Variants in FBXL22 observed in about 807,000 individuals in gnomAD.
FBXL22 encodes the protein F-box and leucine-rich protein 22.
FBXL22 carries 13 observed loss-of-function variants against 11.7 expected under a neutral mutation model. The ratio of observed to expected loss-of-function variants is 1.11; its 90% confidence interval spans 0.73 to 1.77. FBXL22 has a LOEUF of 1.77. FBXL22 is among the 40% of genes most tolerant of loss of function. The pLI, the probability that FBXL22 is intolerant of heterozygous loss-of-function variation, is 0.00. For synonymous variants in FBXL22, 160 were observed against 144.1 expected, an observed-to-expected ratio of 1.11 and a Z score of -0.79; for missense variants, 406 against 320.4, an observed-to-expected ratio of 1.27 and a Z score of -2.04.
downstream of FBXL22, among the ~76,000 whole-genome samples, chr15:63,607,036 A>T (rs1212650098): frequency 6.7e-6 from 1 of 150,186 alleles, no homozygotes; most frequent in Non-Finnish European, 1.5e-5. Context: ...GGATTCGTCC[A>T]GGATCTTGGC....
downstream of FBXL22, chr15:63,601,808 G>C (rs2067377557): frequency 5.3e-6 from 7 of 1,329,708 alleles, no homozygotes; most frequent in Non-Finnish European, 6.9e-6. Flanking sequence ...GAAAAAAAAA[G>C]CCTCAAACTA....
At chr15:63,601,743 CAT>C, downstream of FBXL22, 3 of 1,531,772 alleles carry the variant, frequency 2.0e-6, no homozygotes, top group Admixed American at 3.8e-5. Flanking sequence ...ACATAAACTG[CAT>C]AGTTACCCAT....
In FBXL22 at chr15:63,597,443, G is replaced by A. The variant is rs765594917; in HGVS notation, c.51G>A (p.Leu17=). 1 of 1,613,874 alleles carries A rather than the reference G, an allele frequency of 6.2e-7. No individual in the cohort carries two copies. Among genetic ancestry groups the A allele is most frequent in the Non-Finnish European group, 8.5e-7 (1 of 1,179,992 alleles). The change falls in exon 1 of 2, where the codon CTG becomes CTA. Residue 17 remains leucine, a synonymous_variant. Coordinates refer to ENST00000638704, the MANE Select transcript of FBXL22 (RefSeq NM_001367807.1). This position sits in a 1 kb window ranked among gnomAD's most constrained non-coding sequence, Gnocchi z 4.3. The part of the protein sequence containing the change: ...MHITQLNREC[L]LHLFSFLDKD... ...TAACCCAGCTCAACCGGGAGTGCCT[G>A]CTGCACCTCTTCTCCTTCCTAGACA...
At chr15:63,601,367 G>T, downstream of FBXL22, 1 of 1,604,910 alleles carries the variant, frequency 6.2e-7, no homozygotes, top group Non-Finnish European at 8.5e-7. Context: ...ATCGCCGTTG[G>T]ACCGAAATCA....
At chr15:63,606,627 A>G (rs183770589), downstream of FBXL22, among the ~76,000 whole-genome samples, 2 of 152,260 alleles carry the variant, frequency 1.3e-5, no homozygotes, top group East Asian at 3.9e-4. Flanking sequence ...ATCAAGGTGG[A>G]AGGACTGCTT....
chr15:63,601,764 C>A, downstream of FBXL22: 1 of 1,475,308 alleles, frequency 6.8e-7, no homozygotes. Flanking sequence ...ATATTTTCTA[C>A]TGTTCTCATA....
In FBXL22 at chr15:63,598,419, T is replaced by C. The variant is rs1441083144; in HGVS notation, c.353+674T>C. 5.3e-5 allele frequency among the ~76,000 whole-genome samples: 8 copies of C among 152,118 alleles called. No individual in the cohort carries two copies. In the East Asian group the frequency reaches 1.5e-3, roughly 29 times the overall value. On this transcript the variant is annotated intron_variant, in intron 1 of 1. Transcript: ENST00000638704. Reference sequence around the variant, plus strand: ...TGAATAATATTTTAGTGTAAGTATGTCCCAAATACATCTTGTGTTTATCTG... The same window carrying C: ...TGAATAATATTTTAGTGTAAGTATGCCCCAAATACATCTTGTGTTTATCTG...
Position 63,597,738 on chromosome 15 carries a change from T to A in FBXL22, c.346T>A (p.Cys116Ser), listed in dbSNP as rs148453374. The stretch of plus-strand genomic sequence containing the variant: ...GGTCAATGATTTCCTCCTCCGGGTG[T>A]GCGACAGGTAGGCCACCTTGCCTCC... Reference protein sequence around the residue: ...SLVNDFLLRVCDRCPNLASVT... With the variant: ...SLVNDFLLRVSDRCPNLASVT... Residue 116 changes from cysteine (C) to serine (S), a missense_variant, in exon 1 of 2, where the codon TGC becomes AGC. Physicochemically the swap from Cys to Ser is moderately radical, Grantham distance 112. Coordinates refer to ENST00000638704, the MANE Select transcript of FBXL22 (RefSeq NM_001367807.1). This position sits in a 1 kb window ranked among gnomAD's most constrained non-coding sequence, Gnocchi z 4.3. 2 of 1,575,556 alleles carry A rather than the reference T, an allele frequency of 1.3e-6. No individual in the cohort carries two copies. Among genetic ancestry groups the A allele is most frequent in the African/African-American group, 2.7e-5 (2 of 74,432 alleles).
At position 63,597,674 on chromosome 15, in the gene FBXL22, T is replaced by C. The variant is rs761725043; in HGVS notation, c.282T>C (p.Ser94=). 2.4e-5 allele frequency: 38 copies of C among 1,603,908 alleles called. 1 individual carries two copies. In the South Asian group the frequency reaches 3.8e-4, roughly 16 times the overall value. The change falls in exon 1 of 2, where the codon AGT becomes AGC. Residue 94 remains serine (S), a synonymous_variant. Transcript: ENST00000638704. This position sits in a 1 kb window ranked among gnomAD's most constrained non-coding sequence, Gnocchi z 4.3. The part of the protein sequence containing the change: ...QVCSIEDWLK[S]AFQRSICSRH... ...GCAGCATTGAGGACTGGCTCAAGAG[T>C]GCCTTCCAGAGAAGCATCTGCAGCC...
At chr15:63,607,995 G>A in the FBXL22 span, among the ~76,000 whole-genome samples, 1 of 152,172 alleles carries the variant, frequency 6.6e-6, no homozygotes, top group African/African-American at 2.4e-5. Flanking sequence ...CCCTTCCCCA[G>A]ACCTCTGCAC....
Position 63,600,980 on chromosome 15 carries a change from G to C in FBXL22, c.637G>C (p.Asp213His). 1 of 1,192,692 alleles carries C rather than the reference G, an allele frequency of 8.4e-7. No individual in the cohort carries two copies. The highest frequency in any genetic ancestry group is 1.0e-6 in the Non-Finnish European group (1 of 963,314). 73.9% of individuals were successfully genotyped at this position (1,192,692 alleles called of 1,614,324 possible). Residue 213 changes from aspartate (D) to histidine (H), a missense_variant, in exon 2 of 2, where the codon GAC becomes CAC. Asp to His is a moderately conservative substitution (Grantham distance 81, BLOSUM62 -1). Transcript: ENST00000638704. ...RAEHSAAMLPDQPPRPRAPAA... is the reference protein window; with the variant it reads ...RAEHSAAMLPHQPPRPRAPAA... ...AGAGCACAGCGCCGCCATGCTGCCCGACCAGCCCCCGCGCCCGCGCGCGCC... is the reference window on the plus strand; with the variant it reads ...AGAGCACAGCGCCGCCATGCTGCCCCACCAGCCCCCGCGCCCGCGCGCGCC...
At chr15:63,603,860 T>G (rs1004752147), downstream of FBXL22, among the ~76,000 whole-genome samples, 1 of 152,178 alleles carries the variant, frequency 6.6e-6, no homozygotes, top group African/African-American at 2.4e-5. Flanking sequence ...TGCTTTTTGG[T>G]GATTTCTCAG....
chr15:63,597,776 G>A lies in FBXL22; in HGVS notation c.353+31G>A, dbSNP rs964253497. On this transcript the variant is annotated intron_variant, in intron 1 of 1. Transcript: ENST00000638704. The surrounding 1 kb of genome is among the most constrained non-coding windows in gnomAD (Gnocchi z 4.3). Reference sequence around the variant, plus strand: ...CCACCTTGCCTCCTGAGCAGTGCTGGCCCCGCTAGCTCTGGCTTCCCTCTT... The same window carrying A: ...CCACCTTGCCTCCTGAGCAGTGCTGACCCCGCTAGCTCTGGCTTCCCTCTT... 4 of 1,531,192 alleles carry A rather than the reference G, an allele frequency of 2.6e-6. No individual in the cohort carries two copies. The highest frequency in any genetic ancestry group is 3.5e-6 in the Non-Finnish European group (4 of 1,136,592). 94.9% of individuals were successfully genotyped at this position (1,531,192 alleles called of 1,614,324 possible).
At chr15:63,601,406 A>G (rs757359752), downstream of FBXL22, 1 of 1,594,952 alleles carries the variant, frequency 6.3e-7, no homozygotes, top group Non-Finnish European at 8.5e-7. Context: ...GACCACTCGG[A>G]GTTCGCCGAC....
At chr15:63,601,285 T>C (rs2067366974), downstream of FBXL22, 3 of 1,564,434 alleles carry the variant, frequency 1.9e-6, no homozygotes, top group Non-Finnish European at 2.6e-6. Context: ...CCCCTCTTGC[T>C]TCCGCCCCAG....
intron 1 of FBXL22, chr15:63,599,216 G>T: frequency 6.5e-7 from 1 of 1,535,950 alleles, no homozygotes; most frequent in Non-Finnish European, 8.7e-7. Flanking sequence ...AACGTCTACT[G>T]AATCTGGTTC....
downstream of FBXL22, among the ~76,000 whole-genome samples, chr15:63,603,859 G>A (rs1396861915): frequency 6.6e-6 from 1 of 152,204 alleles, no homozygotes; most frequent in Non-Finnish European, 1.5e-5. Context: ...CTGCTTTTTG[G>A]TGATTTCTCA....
intron 1 of FBXL22, chr15:63,599,169 T>A: frequency 3.9e-6 from 6 of 1,522,388 alleles, no homozygotes; most frequent in Non-Finnish European, 5.3e-6. Flanking sequence ...GAGGATTAAA[T>A]GACACAGTGG....
chr15:63,605,349 G>C (rs1595799639), downstream of FBXL22, among the ~76,000 whole-genome samples: 1 of 152,252 alleles, frequency 6.6e-6, no homozygotes, highest in East Asian at 1.9e-4. Context: ...TGTAAAATGG[G>C]ACCAATACCC....
Sources: gnomAD v4.1 joint callset for allele counts (sites outside exome capture counted in the v4.1 genomes callset) on GRCh38, gnomAD v4.1.1 for gene constraint, Gnocchi (gnomAD v3.1) non-coding constraint, MANE v1.5 for transcripts, NCBI Gene and HGNC (gene_info 2026-07-23, HGNC 2026-07-21) for gene names.